The following PARD3 variants were observed in gnomAD, a reference collection of about 807,000 sequenced individuals.
The protein encoded by PARD3 is par-3 family cell polarity regulator, also known as partitioning defective 3 homolog.
Under a neutral mutation model 155.4 loss-of-function variants are expected in PARD3, and 75 were observed. That is an observed-to-expected ratio of 0.48 (90% CI 0.40 to 0.58). The LOEUF is 0.58. Ranked by LOEUF, PARD3 falls within the 20% of genes least tolerant of loss-of-function variation. The probability of loss-of-function intolerance (pLI) is 0.00; values close to 1 mark genes in which losing one functional copy is unlikely to be tolerated. For synonymous variants in PARD3, 576 were observed against 610.5 expected, an observed-to-expected ratio of 0.94 and a Z score of 0.83; for missense variants, 1,642 against 1,721.7, an observed-to-expected ratio of 0.95 and a Z score of 0.82.
intron 1 of PARD3, among the ~76,000 whole-genome samples, chr10:34,798,430 C>T (rs1383591573): frequency 6.6e-6 from 1 of 151,622 alleles, no homozygotes; most frequent in African/African-American, 2.4e-5. Context: ...ACATGCCGGG[C>T]GCAGTGGCTC....
chr10:34,166,635 A>G (rs1377309547), intron 22 of PARD3, among the ~76,000 whole-genome samples: 2 of 151,832 alleles, frequency 1.3e-5, no homozygotes, highest in Non-Finnish European at 2.9e-5. Context: ...TCTAAAAAAA[A>G]AAAGAGTTCA....
At position 34,430,587 on chromosome 10, in the gene PARD3, T is replaced by C. The variant is rs919329828; in HGVS notation, c.714+19730A>G. 4.6e-5 allele frequency among the ~76,000 whole-genome samples: 7 copies of C among 152,228 alleles called. 1 individual carries two copies. Among genetic ancestry groups the C allele is most frequent in the Admixed American group, 4.6e-4 (7 of 15,280 alleles). ...TTTACATTATCTTTACTGAAGTCCATGAAATCGGTTCTATCATCTACCATT... is the reference window on the plus strand; with the variant it reads ...TTTACATTATCTTTACTGAAGTCCACGAAATCGGTTCTATCATCTACCATT... On this transcript the variant is annotated intron_variant, in intron 5 of 24. Coordinates refer to ENST00000374788, the MANE Select transcript of PARD3 (RefSeq NM_001184785.2).
intron 5 of PARD3, among the ~76,000 whole-genome samples, chr10:34,418,971 A>T (rs1159837514): frequency 6.6e-6 from 1 of 151,842 alleles, no homozygotes; most frequent in Non-Finnish European, 1.5e-5. Context: ...AGGTCTCACT[A>T]TGCTGCCCAG....
chr10:34,383,004 T>C (rs977487581), intron 8 of PARD3, 82 bp from the exon 9 acceptor site: 1 of 1,459,054 alleles, frequency 6.9e-7, no homozygotes, highest in African/African-American at 1.4e-5. Context: ...AGTTTACTAA[T>C]TAAGCAATAA....
intron 22 of PARD3, among the ~76,000 whole-genome samples, chr10:34,254,820 C>T (rs1218684802): frequency 6.6e-6 from 1 of 152,020 alleles, no homozygotes; most frequent in Non-Finnish European, 1.5e-5. Context: ...AATTCTTGGC[C>T]CACAGTCAAA....
chr10:34,489,391 G>A (rs1026293547), intron 3 of PARD3, among the ~76,000 whole-genome samples: 3 of 152,164 alleles, frequency 2.0e-5, no homozygotes, highest in Admixed American at 6.5e-5. Flanking sequence ...GTAAAGGATC[G>A]GATGCTGCCG....
chr10:34,727,477 T>C (rs971980263), intron 1 of PARD3, among the ~76,000 whole-genome samples: 2 of 152,174 alleles, frequency 1.3e-5, no homozygotes, highest in Non-Finnish European at 2.9e-5. Context: ...TGCTGACACC[T>C]GCAAGCACAA....
intron 2 of PARD3, among the ~76,000 whole-genome samples, chr10:34,529,342 T>C (rs2082682929): frequency 6.6e-6 from 1 of 151,924 alleles, no homozygotes; most frequent in Non-Finnish European, 1.5e-5. Context: ...AGAATATAAA[T>C]AAAATCAAGG....
chr10:34,484,901 G>A (rs952038197), intron 3 of PARD3, among the ~76,000 whole-genome samples: 5 of 152,158 alleles, frequency 3.3e-5, no homozygotes, highest in East Asian at 3.8e-4. Context: ...CTGCCAGATC[G>A]TGTCATTGTG....
In PARD3 at chr10:34,738,225, T is replaced by C. The variant is rs1005610552; in HGVS notation, c.121-41806A>G. Among the ~76,000 whole-genome samples, 4 of 152,216 alleles carry C rather than the reference T, an allele frequency of 2.6e-5. No homozygotes were observed. The East Asian group carries it at 7.7e-4, about 29-fold the overall frequency. On this transcript the variant is annotated intron_variant, in intron 1 of 24. Coordinates refer to ENST00000374788, the MANE Select transcript of PARD3 (RefSeq NM_001184785.2). ...CTACATGATACATGCATGTATGACT[T>C]TAAGGAAAACACTTCTAATAAGATA...
chr10:34,317,175 ATCTT>A lies in PARD3; in HGVS notation c.2993_2996del (p.Lys998IlefsTer9). 1 of 1,607,450 alleles carries A rather than the reference ATCTT, an allele frequency of 6.2e-7. No individual in the cohort carries two copies. Among genetic ancestry groups the A allele is most frequent in the South Asian group, 1.1e-5 (1 of 89,892 alleles). On this transcript the variant is annotated frameshift_variant, in exon 20 of 25. Transcript: ENST00000374788. LOFTEE classifies it high-confidence loss of function. ...TCATTTTATCCTTCTCCTTATCTCT[ATCTT>A]TCTTCTTTTCTTTTCCAGTTTTATC...
At chr10:34,726,230 A>C (rs1300924833) in intron 1 of PARD3, among the ~76,000 whole-genome samples, 1 of 152,168 alleles carries the variant, frequency 6.6e-6, no homozygotes, top group Non-Finnish European at 1.5e-5. Context: ...TGGGTGAATC[A>C]CCTAAGTTAA....
chr10:34,486,865 TAC>T (rs1193319425), intron 3 of PARD3, among the ~76,000 whole-genome samples: 1 of 152,070 alleles, frequency 6.6e-6, no homozygotes, highest in Non-Finnish European at 1.5e-5. Context: ...ATTATATATG[TAC>T]ACATATATAA....
chr10:34,500,136 C>A (rs2080584119), intron 3 of PARD3, among the ~76,000 whole-genome samples: 1 of 152,176 alleles, frequency 6.6e-6, no homozygotes, highest in South Asian at 2.1e-4. Flanking sequence ...CAAACCCGTG[C>A]TACACACACA....
intron 1 of PARD3, among the ~76,000 whole-genome samples, chr10:34,702,147 A>G (rs1359275442): frequency 6.6e-6 from 1 of 151,772 alleles, no homozygotes; most frequent in African/African-American, 2.4e-5. Context: ...CCTGGGCAAC[A>G]GCAACACTCC....
At chr10:34,647,237 A>G (rs949006615) in intron 2 of PARD3, among the ~76,000 whole-genome samples, 3 of 152,174 alleles carry the variant, frequency 2.0e-5, no homozygotes, top group Non-Finnish European at 4.4e-5. Context: ...AACAAGTCAT[A>G]AGCTGGAGTC....
At position 34,110,626 on chromosome 10, in the gene PARD3, C is replaced by T. The variant is rs12768477; in HGVS notation, c.*543G>A. The T allele has an allele frequency of 4.3e-3, 661 of 152,448 alleles. 2 individuals carry two copies. The highest frequency in any genetic ancestry group is 6.4e-3 in the Non-Finnish European group (437 of 68,178). 9.4% of individuals were successfully genotyped at this position (152,448 alleles called of 1,614,324 possible). The stretch of plus-strand genomic sequence containing the variant: ...TCTGTAATAGGATGACCGACTCTCC[C>T]GTCACAAAGAGCTGAGAAAGGAAAG... On this transcript the variant is annotated 3_prime_UTR_variant, in exon 25 of 25. Coordinates refer to ENST00000374788, the MANE Select transcript of PARD3 (RefSeq NM_001184785.2).
At chr10:34,565,658 G>C (rs1294360767) in intron 2 of PARD3, among the ~76,000 whole-genome samples, 2 of 152,050 alleles carry the variant, frequency 1.3e-5, no homozygotes, top group African/African-American at 2.4e-5. Context: ...AAGTGATTTT[G>C]ATGCACAGTG....
intron 2 of PARD3, among the ~76,000 whole-genome samples, chr10:34,556,133 T>G (rs2084959594): frequency 6.6e-6 from 1 of 152,176 alleles, no homozygotes; most frequent in African/African-American, 2.4e-5. Flanking sequence ...AGAGACTGAA[T>G]GGAGGTACTG....
Sources: gnomAD v4.1 joint callset for allele counts (sites outside exome capture counted in the v4.1 genomes callset) on GRCh38, gnomAD v4.1.1 for gene constraint, MANE v1.5 for transcripts, NCBI Gene and HGNC (gene_info 2026-07-23, HGNC 2026-07-21) for gene names.